L1TD1: variants seen among roughly 807,000 people sequenced by gnomAD.
L1TD1 encodes LINE1 type transposase domain containing 1, also known as LINE-1 type transposase domain-containing protein 1.
L1TD1 carries 26 observed loss-of-function variants against 25.7 expected under a neutral mutation model. The observed-to-expected ratio is 1.01, with a 90% CI of 0.74 to 1.40. The LOEUF (loss-of-function observed/expected upper bound fraction) is 1.40. Among genes scored for constraint, L1TD1 ranks in the 40% most tolerant of loss-of-function variants. The probability of loss-of-function intolerance (pLI) is 0.00; values close to 1 mark genes in which losing one functional copy is unlikely to be tolerated. For synonymous variants in L1TD1, 421 were observed against 335.6 expected, an observed-to-expected ratio of 1.25 and a Z score of -2.78; for missense variants, 1,130 against 975.0, an observed-to-expected ratio of 1.16 and a Z score of -2.12.
chr1:62,205,391 C>CTCTCTCTCTCTCTT (rs1276335574), intron 2 of L1TD1, among the ~76,000 whole-genome samples: 1 of 35,126 alleles, frequency 2.8e-5, no homozygotes, highest in Non-Finnish European at 5.1e-5. Flanking sequence ...CTCTCTCTTT[C>CTCTCTCTCTCTCTT]TCTCTCTCTC....
chr1:62,202,433 A>G (rs1414817732), intron 2 of L1TD1, among the ~76,000 whole-genome samples: 6 of 151,210 alleles, frequency 4.0e-5, no homozygotes, highest in South Asian at 2.1e-4. Flanking sequence ...TTCTGTATAC[A>G]TTTGTCCCCC....
At chr1:62,199,165 A>G (rs72679729) in intron 2 of L1TD1, among the ~76,000 whole-genome samples, 17,489 of 152,206 alleles carry the variant, frequency 0.11, 1,374 homozygotes, top group Non-Finnish European at 0.16. Context: ...AAAAGGTCAC[A>G]TATATTTATT....
intron 2 of L1TD1, among the ~76,000 whole-genome samples, chr1:62,196,754 G>A (rs950095926): frequency 6.6e-6 from 1 of 151,986 alleles, no homozygotes; most frequent in Non-Finnish European, 1.5e-5. Flanking sequence ...CATTATACCC[G>A]GCTAATTTTT....
intron 2 of L1TD1, among the ~76,000 whole-genome samples, chr1:62,201,832 C>T (rs1375607763): frequency 2.0e-5 from 3 of 152,110 alleles, no homozygotes; most frequent in African/African-American, 7.2e-5. Context: ...ATAGGGGGAG[C>T]GTACATTGCA....
Position 62,211,609 on chromosome 1 carries a change from A to G in L1TD1, c.*237A>G, listed in dbSNP as rs11805158. 3,174 of 477,704 alleles carry G rather than the reference A, an allele frequency of 6.6e-3. 85 individuals carry two copies. Among genetic ancestry groups the G allele is most frequent in the African/African-American group, 0.057 (2,862 of 50,172 alleles). 29.6% of individuals were successfully genotyped at this position (477,704 alleles called of 1,614,324 possible). On this transcript the variant is annotated 3_prime_UTR_variant, in exon 4 of 4. Transcript: ENST00000498273. ...CAGTTGATCACAGTCAGTTACAGAT[A>G]GAATTCCTTGTTTTACTTCCCCCCC...
chr1:62,211,010 G>A lies in L1TD1; in HGVS notation c.2236G>A (p.Val746Ile), dbSNP rs1015753153. ...SSLEIVSACRVPSKIDEKRLT... is the reference protein window; with the variant it reads ...SSLEIVSACRIPSKIDEKRLT... ...TCTTGAGATTGTCAGTGCTTGTCGA[G>A]TACCTAGTAAAATTGATGAAAAGAG... Residue 746 changes from valine (V) to isoleucine (I), a missense_variant, in exon 4 of 4, where the codon GTA becomes ATA. Physicochemically the swap from Val to Ile is conservative, Grantham distance 29 (BLOSUM62 3). Transcript: ENST00000498273. 6.5e-7 allele frequency: 1 copy of A among 1,546,518 alleles called. No individual in the cohort carries two copies. The highest frequency in any genetic ancestry group is 1.4e-5 in the African/African-American group (1 of 72,568).
At chr1:62,200,269 C>G (rs12136917) in intron 2 of L1TD1, among the ~76,000 whole-genome samples, 1 of 152,002 alleles carries the variant, frequency 6.6e-6, no homozygotes, top group Non-Finnish European at 1.5e-5. Flanking sequence ...CTCCGCCTCC[C>G]GCATTCAAGC....
At chr1:62,207,762 G>A in intron 3 of L1TD1, 126 bp downstream of exon 3, 3 of 1,174,744 alleles carry the variant, frequency 2.6e-6, no homozygotes, top group Non-Finnish European at 3.4e-6. Context: ...GGCCAGGTGG[G>A]AGTGCAGTGG....
rs757403904 is a variant in L1TD1, at chr1:62,211,393, CAA to C, written c.*22_*23del. ...CTTAGCACGCCAGGGTGACTACAAA[CAA>C]TATGCTTTCCTCCCCCAGCATGCAT... is the stretch of plus-strand genomic sequence containing the variant. On this transcript the variant is annotated 3_prime_UTR_variant, in exon 4 of 4. Coordinates refer to ENST00000498273, the MANE Select transcript of L1TD1 (RefSeq NM_019079.5). 3.2e-6 allele frequency: 5 copies of C among 1,545,154 alleles called. No homozygotes were observed. The African/African-American group carries it at 6.9e-5, about 21-fold the overall frequency.
intron 2 of L1TD1, among the ~76,000 whole-genome samples, chr1:62,205,403 C>CTT (rs1368057119): frequency 2.5e-5 from 1 of 39,800 alleles, no homozygotes; most frequent in African/African-American, 1.0e-4. Flanking sequence ...CTCTCTCTCT[C>CTT]TCTCTCTCTC....
In L1TD1 at chr1:62,202,490, G is replaced by T. The variant is rs1316747705; in HGVS notation, c.-110-4029G>T. On this transcript the variant is annotated intron_variant, in intron 2 of 3. Transcript: ENST00000498273. ...TTGGAAGTTACTTTGTGATAAATGA[G>T]TGCCGTGTTTTTTAAACAATTTTTT... Among the ~76,000 whole-genome samples, 3 of 149,932 alleles carry T rather than the reference G, an allele frequency of 2.0e-5. No individual in the cohort carries two copies. The East Asian group carries it at 5.8e-4, about 29-fold the overall frequency.
chr1:62,209,792 C>G lies in L1TD1; in HGVS notation c.1018C>G (p.Leu340Val), dbSNP rs1557446770. Residue 340 changes from leucine to valine, a missense_variant, in exon 4 of 4, where the codon CTA (leucine) becomes GTA (valine). Physicochemically the swap from Leu to Val is conservative, Grantham distance 32 (BLOSUM62 1). Coordinates refer to ENST00000498273, the MANE Select transcript of L1TD1 (RefSeq NM_019079.5). Reference sequence around the variant, plus strand: ...TTTGTTTAACTTTCAGGATAAAACCCTAATAGACTCAAAGCATAGAGCTGG... The same window carrying G: ...TTTGTTTAACTTTCAGGATAAAACCGTAATAGACTCAAAGCATAGAGCTGG... ...YGIQEKRDKTLIDSKHRAGEI... is the reference protein window; with the variant it reads ...YGIQEKRDKTVIDSKHRAGEI... 5 of 1,565,748 alleles carry G rather than the reference C, an allele frequency of 3.2e-6. No homozygotes were observed. Among genetic ancestry groups the G allele is most frequent in the Non-Finnish European group, 4.3e-6 (5 of 1,153,042 alleles).
intron 2 of L1TD1, among the ~76,000 whole-genome samples, chr1:62,199,849 G>A (rs1557440719): frequency 6.6e-6 from 1 of 152,134 alleles, no homozygotes; most frequent in African/African-American, 2.4e-5. Context: ...ATGTGGCCAG[G>A]GTGGATATTT....
rs1440066628 is a variant in L1TD1 at position 62,205,373 on chromosome 1, T to TTCTCTCTCCCTCTCTC, written c.-110-1138_-110-1137insCCTCTCTCTCTCTCTC. ...AAAATAAAACCAACGAAAACTCTCT[T>TTCTCTCTCCCTCTCTC]TCTCTCTCTCTCTCTTTCTCTCTCT... On this transcript the variant is annotated intron_variant, in intron 2 of 3. Coordinates refer to ENST00000498273, the MANE Select transcript of L1TD1 (RefSeq NM_019079.5). 6.1e-4 allele frequency among the ~76,000 whole-genome samples: 55 copies of TTCTCTCTCCCTCTCTC among 90,186 alleles called. 4 individuals are homozygous for TTCTCTCTCCCTCTCTC. Among genetic ancestry groups the TTCTCTCTCCCTCTCTC allele is most frequent in the Non-Finnish European group, 9.9e-4 (43 of 43,326 alleles). The allele number at this position is 90,186 out of a possible 152,430, so 59.2% of individuals were successfully genotyped here.
intron 2 of L1TD1, among the ~76,000 whole-genome samples, chr1:62,206,261 G>A (rs1472953801): frequency 6.6e-6 from 1 of 152,108 alleles, no homozygotes; most frequent in Non-Finnish European, 1.5e-5. Context: ...TAATAGTATG[G>A]CAAATCAGAC....
intron 2 of L1TD1, among the ~76,000 whole-genome samples, chr1:62,204,845 G>C (rs886568562): frequency 2.6e-5 from 4 of 152,108 alleles, no homozygotes; most frequent in Non-Finnish European, 5.9e-5. Context: ...TGCGATGTCA[G>C]CTCACTGCAT....
Position 62,209,921 on chromosome 1 carries a change from G to C in L1TD1, c.1147G>C (p.Glu383Gln). Residue 383 changes from glutamate (E) to glutamine (Q), a missense_variant, in exon 4 of 4, where the codon GAG becomes CAG. Physicochemically the swap from Glu to Gln is conservative, Grantham distance 29. Transcript: ENST00000498273. Reference protein sequence around the residue: ...NLETQEEEFSELEELDEEASG... With the variant: ...NLETQEEEFSQLEELDEEASG... ...AGAGACTCAAGAGGAAGAGTTTTCCGAGCTAGAGGAGCTGGATGAAGAGGC... is the reference window on the plus strand; with the variant it reads ...AGAGACTCAAGAGGAAGAGTTTTCCCAGCTAGAGGAGCTGGATGAAGAGGC... The C allele has an allele frequency of 1.2e-6, 2 of 1,613,454 alleles. No individual in the cohort carries two copies. The highest frequency in any genetic ancestry group is 1.1e-5 in the South Asian group (1 of 91,038).
Position 62,211,288 on chromosome 1 carries a change from G to C in L1TD1, c.2514G>C (p.Lys838Asn). 6.2e-7 allele frequency: 1 copy of C among 1,613,000 alleles called. No homozygotes were observed. The highest frequency in any genetic ancestry group is 8.5e-7 in the Non-Finnish European group (1 of 1,179,444). The part of the protein sequence containing the change: ...KMAFDFRGKT[K>N]VFLSIEEFRD... ...CATTTGATTTTAGGGGTAAAACAAA[G>C]GTATTTCTTAGTATTGAAGAATTTA... Residue 838 changes from lysine (K) to asparagine (N), a missense_variant, in exon 4 of 4, where the codon AAG (lysine) becomes AAC (asparagine). Lys to Asn is a moderately conservative substitution (Grantham distance 94). Coordinates refer to ENST00000498273, the MANE Select transcript of L1TD1 (RefSeq NM_019079.5).
At chr1:62,204,345 C>T (rs979923401) in intron 2 of L1TD1, among the ~76,000 whole-genome samples, 14 of 152,048 alleles carry the variant, frequency 9.2e-5, no homozygotes, top group African/African-American at 3.4e-4. Context: ...ATACATTTTC[C>T]TCAAAGCACC....
Sources: gnomAD v4.1 joint callset for allele counts (sites outside exome capture counted in the v4.1 genomes callset) on GRCh38, gnomAD v4.1.1 for gene constraint, MANE v1.5 for transcripts, NCBI Gene and HGNC (gene_info 2026-07-23, HGNC 2026-07-21) for gene names.